DMD: variants seen among roughly 807,000 people sequenced by gnomAD.
DMD encodes the protein mutant dystrophin.
DMD carries 63 observed loss-of-function variants against 330.1 expected under a neutral mutation model. The ratio of observed to expected loss-of-function variants is 0.19; its 90% confidence interval spans 0.16 to 0.24. DMD has a LOEUF of 0.24. Among genes scored for constraint, DMD ranks in the 10% least tolerant of loss-of-function variants. DMD has a pLI of 1.00. For missense variants in DMD, 3,344 were observed against 2,684.1 expected, an observed-to-expected ratio of 1.25 and a Z score of -5.43; for synonymous variants, 1,223 against 959.8, an observed-to-expected ratio of 1.27 and a Z score of -5.07.
intron 7 of DMD, among the ~76,000 whole-genome samples, chrX:32,716,069 C>G (rs141775317): frequency 1.8e-5 from 2 of 111,390 alleles, no homozygotes; most frequent in African/African-American, 3.3e-5. Flanking sequence ...GTAACTTTCT[C>G]TCGTCATATA....
Position 33,284,741 on chromosome X carries a change from T to C in DMD, c.7+54518A>G, listed in dbSNP as rs200343826. Among the ~76,000 whole-genome samples, 461 of 48,793 alleles carry C rather than the reference T, an allele frequency of 9.4e-3. 82 individuals carry two copies. The highest frequency in any genetic ancestry group is 0.013 in the African/African-American group (227 of 16,875). 42.4% of individuals were successfully genotyped at this position (48,793 alleles called of 115,157 possible). A position where few individuals can be genotyped will look rare whatever the true frequency, so the allele number is the denominator to read the frequency against. On this transcript the variant is annotated intron_variant, in intron 1 of 17. Coordinates refer to the DMD transcript ENST00000288447. The stretch of plus-strand genomic sequence containing the variant: ...AAGACTTTAAAAATCATCTTTTTTT[T>C]TTTGCCCTAATGCTTAATTTAGAGC...
intron 51 of DMD, among the ~76,000 whole-genome samples, chrX:31,737,270 A>G (rs115882499): frequency 0.013 from 1,426 of 112,602 alleles, 23 homozygotes; most frequent in African/African-American, 0.043. Flanking sequence ...TAAGGTAGCT[A>G]TATGATAGTA....
At chrX:31,643,432 A>G (rs1304268316) in intron 54 of DMD, among the ~76,000 whole-genome samples, 1 of 111,671 alleles carries the variant, frequency 9.0e-6, no homozygotes, top group Non-Finnish European at 1.9e-5. Context: ...CCATCTAATC[A>G]TGTCTTTCCT....
chrX:31,488,919 C>T (rs1205547141), intron 57 of DMD, among the ~76,000 whole-genome samples: 1 of 111,856 alleles, frequency 8.9e-6, no homozygotes, highest in African/African-American at 3.3e-5. Flanking sequence ...AAATCCACCT[C>T]CAAACTATGG....
chrX:32,205,225 C>G (rs1182906360), intron 44 of DMD, among the ~76,000 whole-genome samples: 1 of 98,871 alleles, frequency 1.0e-5, no homozygotes, highest in Non-Finnish European at 2.0e-5. Context: ...TGAAATTAAC[C>G]AAAACAAAAC....
intron 59 of DMD, among the ~76,000 whole-genome samples, chrX:31,461,733 A>G (rs1348919858): frequency 8.9e-6 from 1 of 111,853 alleles, no homozygotes; most frequent in Non-Finnish European, 1.9e-5. Flanking sequence ...GAATTACTGT[A>G]CATGCAAAAA....
Position 33,121,067 on chromosome X carries a change from A to C in DMD, c.31+90215T>G, listed in dbSNP as rs189799089. On this transcript the variant is annotated intron_variant, in intron 1 of 78. Transcript: ENST00000357033. The stretch of plus-strand genomic sequence containing the variant: ...TTTTCTGGGCCCACTTAAATGTATA[A>C]GTTTTCCATATTTTATGTTGGTTAA... Among the ~76,000 whole-genome samples the C allele has an allele frequency of 8.7e-4, 96 of 109,751 alleles. 2 individuals are homozygous for C. Among genetic ancestry groups the C allele is most frequent in the African/African-American group, 3.0e-3 (90 of 30,237 alleles).
chrX:31,761,994 T>C (rs1053054865), intron 51 of DMD, among the ~76,000 whole-genome samples: 1 of 112,293 alleles, frequency 8.9e-6, no homozygotes, highest in Non-Finnish European at 1.9e-5. Flanking sequence ...AGTTACCAAT[T>C]TTCACATTTT....
chrX:32,407,368 T>TA (rs930930810), intron 30 of DMD, among the ~76,000 whole-genome samples: 49 of 111,073 alleles, frequency 4.4e-4, no homozygotes, highest in African/African-American at 1.6e-3. Flanking sequence ...AAAAGACACA[T>TA]AAAAAAATGC....
intron 43 of DMD, among the ~76,000 whole-genome samples, chrX:32,242,249 A>G (rs2097211357): frequency 2.7e-5 from 3 of 111,251 alleles, no homozygotes; most frequent in African/African-American, 9.8e-5. Flanking sequence ...AGGCCTAGTA[A>G]CAAAAATAGA....
chrX:31,682,715 G>A (rs2082450935), intron 52 of DMD, among the ~76,000 whole-genome samples: 1 of 111,680 alleles, frequency 9.0e-6, no homozygotes, highest in African/African-American at 3.3e-5. Flanking sequence ...ATTTGCCTTC[G>A]CTTTCGTTAG....
chrX:31,949,718 C>A (rs991265987), intron 45 of DMD, among the ~76,000 whole-genome samples: 3 of 110,971 alleles, frequency 2.7e-5, no homozygotes, highest in Non-Finnish European at 5.7e-5. Flanking sequence ...ATTCATATGT[C>A]TATTTTTTTC....
At chrX:31,927,072 T>C (rs768729228) in intron 47 of DMD, among the ~76,000 whole-genome samples, 6 of 112,228 alleles carry the variant, frequency 5.3e-5, no homozygotes, top group Non-Finnish European at 9.4e-5. Flanking sequence ...CTGGTACTGA[T>C]CATTTGCTTT....
rs768371642 is a variant in DMD, at chrX:33,072,695, C to T, written c.32-52495G>A. ...TTCAGTGAGGTAACCAGCCAGGCTA[C>T]GGAGCAGCTCGGTGAGCATTTCATC... is the stretch of plus-strand genomic sequence containing the variant. On this transcript the variant is annotated intron_variant, in intron 1 of 78. Coordinates refer to ENST00000357033, the MANE Select transcript of DMD (RefSeq NM_004006.3). Among the ~76,000 whole-genome samples the T allele has an allele frequency of 3.6e-5, 4 of 111,352 alleles. No homozygotes were observed. In the South Asian group the frequency reaches 1.1e-3, roughly 32 times the overall value.
intron 12 of DMD, among the ~76,000 whole-genome samples, chrX:32,596,583 C>T (rs1252878920): frequency 1.8e-5 from 2 of 109,913 alleles, no homozygotes; most frequent in Non-Finnish European, 3.8e-5. Flanking sequence ...CTCACTGTGT[C>T]ACCCAGGGTG....
intron 11 of DMD, among the ~76,000 whole-genome samples, chrX:32,641,188 T>A (rs980251268): frequency 9.0e-6 from 1 of 110,852 alleles, no homozygotes; most frequent in Non-Finnish European, 1.9e-5. Context: ...AACCATTCTC[T>A]ATCACATTAC....
intron 2 of DMD, among the ~76,000 whole-genome samples, chrX:32,874,739 T>G (rs1316588794): frequency 1.8e-5 from 2 of 111,842 alleles, no homozygotes; most frequent in Non-Finnish European, 1.9e-5. Flanking sequence ...TATTAGTAAC[T>G]TTTAGCCTCT....
intron 6 of DMD, among the ~76,000 whole-genome samples, chrX:32,815,147 A>G (rs2077631564): frequency 9.0e-6 from 1 of 110,810 alleles, no homozygotes; most frequent in African/African-American, 3.3e-5. Flanking sequence ...CTGGAAACCC[A>G]GTCGGGATGG....
intron 7 of DMD, among the ~76,000 whole-genome samples, chrX:32,781,462 G>T (rs764307430): frequency 7.1e-5 from 8 of 111,926 alleles, no homozygotes; most frequent in Middle Eastern, 4.6e-3. Context: ...TTGAAAAACA[G>T]AAGACATTGT....
Sources: gnomAD v4.1 joint callset for allele counts (sites outside exome capture counted in the v4.1 genomes callset) on GRCh38, gnomAD v4.1.1 for gene constraint, MANE v1.5 for transcripts, NCBI Gene and HGNC (gene_info 2026-07-23, HGNC 2026-07-21) for gene names.